Variants in CCDC91 observed in about 807,000 individuals in gnomAD.
CCDC91 encodes the protein coiled-coil domain containing 91.
CCDC91 carries 48 observed loss-of-function variants against 63.2 expected under a neutral mutation model. The ratio of observed to expected loss-of-function variants is 0.76; its 90% confidence interval spans 0.60 to 0.97. The LOEUF (loss-of-function observed/expected upper bound fraction) is 0.97. Ranked by LOEUF, CCDC91 falls within the 50% of genes least tolerant of loss-of-function variation. CCDC91 has a pLI of 0.00. For missense variants in CCDC91, 500 were observed against 494.6 expected (o/e 1.01, Z -0.10); for synonymous variants, 167 against 165.8 (o/e 1.01, Z -0.06).
chr12:28,520,457 G>T (rs1006569343), intron 12 of CCDC91, among the ~76,000 whole-genome samples: 1 of 152,136 alleles, frequency 6.6e-6, no homozygotes, highest in African/African-American at 2.4e-5. Flanking sequence ...GTTCTTTGTA[G>T]ATTCTGGATA....
chr12:28,366,499 G>T (rs1032224426), intron 7 of CCDC91, among the ~76,000 whole-genome samples: 5 of 152,186 alleles, frequency 3.3e-5, no homozygotes, highest in African/African-American at 9.7e-5. Flanking sequence ...AGAGAACTTA[G>T]ATTTTCACTT....
At chr12:28,289,223 C>T (rs940587717) in intron 3 of CCDC91, among the ~76,000 whole-genome samples, 2 of 151,614 alleles carry the variant, frequency 1.3e-5, no homozygotes, top group Non-Finnish European at 2.9e-5. Context: ...CTTCTGCTAG[C>T]TTGGGGGTGG....
intron 1 of CCDC91, among the ~76,000 whole-genome samples, chr12:28,219,916 A>G (rs1191268177): frequency 1.3e-5 from 2 of 152,178 alleles, no homozygotes; most frequent in African/African-American, 4.8e-5. Context: ...ATGAATATAG[A>G]CATTTCAACT....
intron 6 of CCDC91, among the ~76,000 whole-genome samples, chr12:28,330,204 A>G (rs1326036399): frequency 6.6e-6 from 1 of 152,128 alleles, no homozygotes; most frequent in South Asian, 2.1e-4. Context: ...GTCTTCCACA[A>G]TGGTTGAATT....
In CCDC91 at chr12:28,391,310, C is replaced by G. The variant is rs756352094; in HGVS notation, c.661C>G (p.Leu221Val). ...SIIVDEYKAL[L>V]QSSVKQQVEA... ...CTTTTTTGCTTGTTTTCAGGCACTA[C>G]TGCAGTCTTCAGTTAAGCAACAAGT... is the stretch of plus-strand genomic sequence containing the variant. Residue 221 changes from leucine to valine, a missense_variant, in exon 8 of 13, where the codon CTG (leucine) becomes GTG (valine). Physicochemically the swap from Leu to Val is conservative, Grantham distance 32. Transcript: ENST00000536442. 6.2e-7 allele frequency: 1 copy of G among 1,607,228 alleles called. No homozygotes were observed. Among genetic ancestry groups the G allele is most frequent in the South Asian group, 1.1e-5 (1 of 90,794 alleles).
chr12:28,257,930 A>ATTT (rs71438740), intron 2 of CCDC91, among the ~76,000 whole-genome samples: 6 of 143,262 alleles, frequency 4.2e-5, no homozygotes, highest in South Asian at 2.2e-4. Context: ...GAATGCTGTG[A>ATTT]TTTTTTTTTT....
chr12:28,345,734 T>C, intron 6 of CCDC91, among the ~76,000 whole-genome samples: 1 of 152,138 alleles, frequency 6.6e-6, no homozygotes, highest in East Asian at 1.9e-4. Context: ...TTTATGACCA[T>C]GTTTTTAAAT....
At chr12:28,194,067 G>GT (rs559107082) in intron 1 of CCDC91, among the ~76,000 whole-genome samples, 40 of 152,214 alleles carry the variant, frequency 2.6e-4, no homozygotes, top group Non-Finnish European at 5.3e-4. Flanking sequence ...CAGTTTATCA[G>GT]TTTTTTCTCT....
intron 8 of CCDC91, among the ~76,000 whole-genome samples, chr12:28,414,204 T>A (rs1947499159): frequency 6.6e-6 from 1 of 152,220 alleles, no homozygotes; most frequent in Non-Finnish European, 1.5e-5. Flanking sequence ...ATATATTTTT[T>A]ACAGCCCAAA....
chr12:28,253,969 T>C (rs1292417400), intron 1 of CCDC91, among the ~76,000 whole-genome samples: 2 of 152,228 alleles, frequency 1.3e-5, no homozygotes, highest in East Asian at 1.9e-4. Flanking sequence ...TCTTACACTC[T>C]GCCCTCCTCT....
At chr12:28,215,843 T>A (rs944292755) in intron 1 of CCDC91, among the ~76,000 whole-genome samples, 8 of 152,156 alleles carry the variant, frequency 5.3e-5, no homozygotes, top group African/African-American at 9.6e-5. Context: ...ACATCTTTTT[T>A]AATTTTCACC....
At chr12:28,405,065 C>T (rs1173383740) in intron 8 of CCDC91, among the ~76,000 whole-genome samples, 1 of 150,758 alleles carries the variant, frequency 6.6e-6, no homozygotes, top group African/African-American at 2.4e-5. Flanking sequence ...CTATTTGTTG[C>T]TCTTTTTTTT....
chr12:28,405,783 T>G (rs553016398), intron 8 of CCDC91, among the ~76,000 whole-genome samples: 32 of 152,328 alleles, frequency 2.1e-4, no homozygotes, highest in Non-Finnish European at 4.0e-4. Context: ...CCAAGGTTTG[T>G]GACTTGAAGG....
chr12:28,335,457 G>A (rs112922804), intron 6 of CCDC91, among the ~76,000 whole-genome samples: 2 of 147,846 alleles, frequency 1.4e-5, no homozygotes, highest in African/African-American at 5.0e-5. Context: ...TGCTCTGCTG[G>A]AGCGCAATGG....
At chr12:28,360,527 G>A (rs1030602695) in intron 6 of CCDC91, among the ~76,000 whole-genome samples, 14 of 152,168 alleles carry the variant, frequency 9.2e-5, no homozygotes, top group African/African-American at 3.4e-4. Context: ...GGAGTGTGTG[G>A]AAGATTGTAT....
At chr12:28,304,886 C>T (rs913318940) in intron 3 of CCDC91, among the ~76,000 whole-genome samples, 2 of 152,014 alleles carry the variant, frequency 1.3e-5, no homozygotes, top group Admixed American at 1.3e-4. Flanking sequence ...TACTTTTGTC[C>T]TATGTCATAC....
intron 8 of CCDC91, among the ~76,000 whole-genome samples, chr12:28,442,066 T>G (rs1056686529): frequency 6.6e-6 from 1 of 152,074 alleles, no homozygotes; most frequent in African/African-American, 2.4e-5. Flanking sequence ...GTGATAGGTG[T>G]AGAGAGTTCC....
intron 8 of CCDC91, among the ~76,000 whole-genome samples, chr12:28,398,222 T>C (rs1004184361): frequency 2.6e-5 from 4 of 152,128 alleles, no homozygotes; most frequent in African/African-American, 7.2e-5. Context: ...CACTAATCTA[T>C]AGTCTGTCTA....
intron 8 of CCDC91, among the ~76,000 whole-genome samples, chr12:28,398,462 G>A (rs1193085140): frequency 6.6e-6 from 1 of 151,980 alleles, no homozygotes; most frequent in Admixed American, 6.6e-5. Flanking sequence ...TAAATTTGGG[G>A]CTGCTTTAAA....
Sources: allele counts gnomAD v4.1 joint callset (sites outside exome capture counted in the v4.1 genomes callset), GRCh38; gene constraint gnomAD v4.1.1; transcripts MANE v1.5; gene names NCBI Gene and HGNC (gene_info 2026-07-23, HGNC 2026-07-21).